CPXM2: variants seen among roughly 807,000 people sequenced by gnomAD.
The protein encoded by CPXM2 is inactive carboxypeptidase-like protein X2.
In CPXM2, 66 loss-of-function variants were observed where a neutral mutation model predicts 86.1. The ratio of observed to expected loss-of-function variants is 0.77; its 90% CI spans 0.63 to 0.94. The LOEUF is 0.94. Ranked by LOEUF, CPXM2 falls within the 40% of genes least tolerant of loss-of-function variation. The probability of loss-of-function intolerance (pLI) is 0.00; values close to 1 mark genes in which losing one functional copy is unlikely to be tolerated. For synonymous variants in CPXM2, 388 were observed against 400.2 expected (o/e 0.97, Z 0.36); for missense variants, 948 against 1,026.3 (o/e 0.92, Z 1.04).
At chr10:123,872,789 G>T (rs2134215816) in intron 2 of CPXM2, among the ~76,000 whole-genome samples, 1 of 152,150 alleles carries the variant, frequency 6.6e-6, no homozygotes, top group South Asian at 2.1e-4. Flanking sequence ...AACGTTAAAG[G>T]AGGTATACCA....
chr10:123,905,520 G>C (rs1432243353), intron 2 of CPXM2, among the ~76,000 whole-genome samples: 2 of 152,178 alleles, frequency 1.3e-5, no homozygotes, highest in Non-Finnish European at 2.9e-5. Flanking sequence ...GATAAAGCTT[G>C]ACCACAGCTC....
intron 2 of CPXM2, among the ~76,000 whole-genome samples, chr10:123,906,139 A>G (rs1489085151): frequency 1.3e-5 from 2 of 151,368 alleles, no homozygotes; most frequent in Non-Finnish European, 2.9e-5. Flanking sequence ...CCCATCTCCC[A>G]CTCCGGATCC....
intron 6 of CPXM2, among the ~76,000 whole-genome samples, chr10:123,788,589 T>A (rs1310477739): frequency 6.6e-6 from 1 of 152,048 alleles, no homozygotes; most frequent in African/African-American, 2.4e-5. Flanking sequence ...CGCTTTCTGC[T>A]CCAAAAGCGA....
intron 2 of CPXM2, among the ~76,000 whole-genome samples, chr10:123,869,323 C>T (rs1441957711): frequency 6.6e-6 from 1 of 152,192 alleles, no homozygotes; most frequent in Non-Finnish European, 1.5e-5. Context: ...TTCCAACAGC[C>T]TCAAGACGAG....
rs962989270 is a variant in CPXM2, at chr10:123,756,550, G to A, written c.1917+663C>T. ...ACAGTGACTCTGAAGGCCTGGGAGGGTGTTAGGGACTCAGTTGTGTCCCCA... is the reference window on the plus strand; with the variant it reads ...ACAGTGACTCTGAAGGCCTGGGAGGATGTTAGGGACTCAGTTGTGTCCCCA... On this transcript the variant is annotated intron_variant, in intron 12 of 13. Transcript: ENST00000241305. Among the ~76,000 whole-genome samples the A allele has an allele frequency of 1.2e-4, 18 of 152,284 alleles. No individual in the cohort carries two copies. The South Asian group carries it at 2.1e-3, about 18-fold the overall frequency.
chr10:123,767,255 C>T (rs946318610), intron 9 of CPXM2, 103 bp from the exon 10 acceptor site: 54 of 1,050,760 alleles, frequency 5.1e-5, no homozygotes, highest in South Asian at 5.9e-5. Flanking sequence ...GGGAATGTCT[C>T]TAAGCCTCTA....
At chr10:123,898,041 G>A in intron 2 of CPXM2, among the ~76,000 whole-genome samples, 1 of 152,206 alleles carries the variant, frequency 6.6e-6, no homozygotes, top group East Asian at 1.9e-4. Flanking sequence ...CTGCTGTCGG[G>A]CAATCAGACT....
intron 2 of CPXM2, among the ~76,000 whole-genome samples, chr10:123,897,689 G>A (rs1590111161): frequency 6.6e-6 from 1 of 152,384 alleles, no homozygotes; most frequent in East Asian, 1.9e-4. Context: ...AAGTTCTGGA[G>A]CTGCTTCTGT....
At chr10:123,851,074 T>A (rs780349283) in intron 3 of CPXM2, among the ~76,000 whole-genome samples, 1 of 152,232 alleles carries the variant, frequency 6.6e-6, no homozygotes, top group Non-Finnish European at 1.5e-5. Flanking sequence ...GGCTTTCATT[T>A]GTATTTACTT....
intron 6 of CPXM2, among the ~76,000 whole-genome samples, chr10:123,787,417 C>T (rs896989684): frequency 6.6e-6 from 1 of 151,924 alleles, no homozygotes; most frequent in Non-Finnish European, 1.5e-5. Context: ...TGAAGTTTTG[C>T]TCTTGTCACC....
At chr10:123,850,890 T>C (rs144767298) in intron 3 of CPXM2, among the ~76,000 whole-genome samples, 43 of 152,316 alleles carry the variant, frequency 2.8e-4, no homozygotes, top group African/African-American at 9.6e-4. Flanking sequence ...GGTCTTCGAA[T>C]ATATCCCCCA....
At chr10:123,799,408 T>C (rs1328175286) in intron 4 of CPXM2, among the ~76,000 whole-genome samples, 1 of 152,208 alleles carries the variant, frequency 6.6e-6, no homozygotes, top group African/African-American at 2.4e-5. Context: ...ATGGGAATCA[T>C]AAAAGCATCA....
intron 2 of CPXM2, among the ~76,000 whole-genome samples, chr10:123,924,343 C>T (rs1452101900): frequency 2.0e-5 from 3 of 152,308 alleles, no homozygotes; most frequent in South Asian, 2.1e-4. Context: ...ACAATGACCC[C>T]GTGTAGGGGT....
chr10:123,803,019 T>A (rs1481616905), intron 4 of CPXM2, among the ~76,000 whole-genome samples: 1 of 151,902 alleles, frequency 6.6e-6, no homozygotes, highest in Non-Finnish European at 1.5e-5. Flanking sequence ...CACATTGATT[T>A]ATAGAGCTCT....
intron 1 of CPXM2, among the ~76,000 whole-genome samples, chr10:123,883,336 A>C (rs1046964250): frequency 2.4e-4 from 37 of 152,302 alleles, no homozygotes; most frequent in African/African-American, 8.7e-4. Flanking sequence ...GTGCAGGCCT[A>C]AGGGCCTGGT....
At chr10:123,835,634 T>TTTCAC (rs1240402094) in intron 4 of CPXM2, among the ~76,000 whole-genome samples, 1 of 152,220 alleles carries the variant, frequency 6.6e-6, no homozygotes, top group Admixed American at 6.5e-5. Context: ...AAACATTTCA[T>TTTCAC]TTCACCCTTA....
chr10:123,842,571 AAGGG>A (rs1233728426), intron 3 of CPXM2, 83 bp from the exon 4 acceptor site: 2 of 1,391,542 alleles, frequency 1.4e-6, no homozygotes, highest in Admixed American at 3.9e-5. Flanking sequence ...GGCTGAGAGG[AAGGG>A]AGGGAGGATA....
intron 4 of CPXM2, among the ~76,000 whole-genome samples, chr10:123,836,198 A>G (rs931714069): frequency 3.0e-4 from 45 of 151,750 alleles, no homozygotes; most frequent in African/African-American, 1.0e-3. Flanking sequence ...CTCCTTTGGA[A>G]CCTCCCCTTG....
chr10:123,862,133 T>C (rs988721298), intron 3 of CPXM2, among the ~76,000 whole-genome samples: 4 of 152,240 alleles, frequency 2.6e-5, no homozygotes, highest in African/African-American at 9.6e-5. Context: ...AGGATGTGCA[T>C]GGTCCCAGGA....
Sources: gnomAD v4.1 joint callset for allele counts (sites outside exome capture counted in the v4.1 genomes callset) on GRCh38, gnomAD v4.1.1 for gene constraint, MANE v1.5 for transcripts, NCBI Gene and HGNC (gene_info 2026-07-23, HGNC 2026-07-21) for gene names.